DNAH9: variants seen among roughly 807,000 people sequenced by gnomAD.
DNAH9 encodes the protein dynein axonemal heavy chain 9.
In DNAH9, 345 loss-of-function variants were observed where a neutral mutation model predicts 471.6. The observed-to-expected ratio is 0.73, with a 90% CI of 0.67 to 0.80. DNAH9 has a LOEUF of 0.80. DNAH9 is among the 30% of genes least tolerant of loss of function. The pLI is 0.00. For synonymous variants in DNAH9, 2,093 were observed against 2,123.6 expected (o/e 0.99, Z 0.40); for missense variants, 5,407 against 5,609.2 (o/e 0.96, Z 1.15).
intron 26 of DNAH9, among the ~76,000 whole-genome samples, 158 bp from the exon 27 acceptor site, chr17:11,719,176 A>G (rs1312506524): frequency 6.6e-6 from 1 of 152,012 alleles, no homozygotes; most frequent in Non-Finnish European, 1.5e-5. Context: ...CTTGCCCGCT[A>G]AAGAGTCCTC....
intron 44 of DNAH9, among the ~76,000 whole-genome samples, chr17:11,808,161 G>A (rs780183415): frequency 5.9e-5 from 9 of 152,184 alleles, no homozygotes; most frequent in Non-Finnish European, 1.2e-4. Context: ...CAAATCAGAA[G>A]CACATCTGTA....
chr17:11,958,924 T>C (rs1284769321), intron 67 of DNAH9, among the ~76,000 whole-genome samples: 1 of 152,024 alleles, frequency 6.6e-6, no homozygotes, highest in Non-Finnish European at 1.5e-5. Flanking sequence ...AATAAGATAA[T>C]ATATCATGGC....
Position 11,781,066 on chromosome 17 carries a change from A to G in DNAH9, c.7610A>G (p.Asn2537Ser), listed in dbSNP as rs754600128. ...GGCAGAAACTATGGCCCTCCAGGGA[A>G]CAAGAAACTCATCTATTTCATTGAT... Reference protein sequence around the residue: ...KAGRNYGPPGNKKLIYFIDDM... With the variant: ...KAGRNYGPPGSKKLIYFIDDM... Residue 2537 changes from asparagine to serine, a missense_variant, in exon 39 of 69, where the codon AAC (asparagine) becomes AGC (serine). This residue lies in a region of DNAH9 where 4,636 missense variants were observed against 4,900.3 expected (regional missense o/e 0.95). Coordinates refer to ENST00000262442, the MANE Select transcript of DNAH9 (RefSeq NM_001372.4). 30 of 1,614,068 alleles carry G rather than the reference A, an allele frequency of 1.9e-5. No individual in the cohort carries two copies. The highest frequency in any genetic ancestry group is 1.2e-4 in the Admixed American group (7 of 60,004).
chr17:11,708,010 C>CAG (rs2074750745), intron 26 of DNAH9, among the ~76,000 whole-genome samples: 3 of 48,236 alleles, frequency 6.2e-5, no homozygotes, highest in Non-Finnish European at 9.8e-5. Flanking sequence ...CACACACACA[C>CAG]ACACAGAGAG....
intron 38 of DNAH9, among the ~76,000 whole-genome samples, chr17:11,775,765 C>T (rs1171968720): frequency 7.9e-5 from 12 of 151,838 alleles, no homozygotes; most frequent in African/African-American, 2.9e-4. Context: ...CCACCATGCC[C>T]GGCTAATTTT....
chr17:11,783,116 TTTG>T (rs533541864), intron 39 of DNAH9, among the ~76,000 whole-genome samples: 36 of 152,084 alleles, frequency 2.4e-4, no homozygotes, highest in African/African-American at 8.5e-4. Flanking sequence ...GCTGCCTTAT[TTTG>T]TTGTTGTTGT....
intron 50 of DNAH9, among the ~76,000 whole-genome samples, chr17:11,862,612 G>A (rs1178112125): frequency 1.3e-5 from 2 of 152,060 alleles, no homozygotes; most frequent in African/African-American, 4.8e-5. Context: ...ACCTTGGGCA[G>A]TGTGGCCATT....
intron 22 of DNAH9, among the ~76,000 whole-genome samples, chr17:11,698,206 A>ATATATTAATATAATAATATAT (rs1337258682): frequency 4.1e-5 from 5 of 123,204 alleles, no homozygotes; most frequent in African/African-American, 1.3e-4. Context: ...TAATATATTA[A>ATATATTAATATAATAATATAT]TAATATAATT....
chr17:11,712,090 ATATATT>A (rs372279142), intron 26 of DNAH9, among the ~76,000 whole-genome samples: 57 of 1,256 alleles, frequency 0.045, 23 homozygotes, highest in Non-Finnish European at 0.39. Context: ...ATATTTGTAT[ATATATT>A]TATATATAAA....
rs950133893 is a variant in DNAH9 at position 11,599,002 on chromosome 17, G to T, written c.417+87G>T. On this transcript the variant is annotated intron_variant, in intron 1 of 68. Coordinates refer to ENST00000262442, the MANE Select transcript of DNAH9 (RefSeq NM_001372.4). ...TAAGGGACGGAGGCGGGGCCAGAGG[G>T]GGCGGGGCGAAGCTGCAGGGGAGGT... is the stretch of plus-strand genomic sequence containing the variant. The T allele has an allele frequency of 1.0e-5, 11 of 1,078,596 alleles. No homozygotes were observed. The African/African-American group carries it at 1.7e-4, about 17-fold the overall frequency. 66.8% of individuals were successfully genotyped at this position (1,078,596 alleles called of 1,614,324 possible).
At chr17:11,860,473 A>G (rs914793440) in intron 50 of DNAH9, among the ~76,000 whole-genome samples, 1 of 152,130 alleles carries the variant, frequency 6.6e-6, no homozygotes, top group Non-Finnish European at 1.5e-5. Context: ...CTGAACTAAC[A>G]GTTTTGCAAA....
chr17:11,694,448 G>A lies in DNAH9; in HGVS notation c.4872+1G>A, dbSNP rs1203197171. ...TTCCAACGGCACAGCTCCACAACAGGTAAGCTGGAGGAGCATCTGCAGAAA... is the reference window on the plus strand; with the variant it reads ...TTCCAACGGCACAGCTCCACAACAGATAAGCTGGAGGAGCATCTGCAGAAA... On this transcript the variant is annotated splice_donor_variant, in intron 22 of 68. Transcript: ENST00000262442. LOFTEE classifies it high-confidence loss of function. 2 of 1,613,126 alleles carry A rather than the reference G, an allele frequency of 1.2e-6. No individual in the cohort carries two copies. Among genetic ancestry groups the A allele is most frequent in the Non-Finnish European group, 1.7e-6 (2 of 1,179,796 alleles).
rs1223894759 is a variant in DNAH9 at position 11,719,528 on chromosome 17, G to T, written c.5709+38G>T. On this transcript the variant is annotated intron_variant, in intron 27 of 68. Coordinates refer to ENST00000262442, the MANE Select transcript of DNAH9 (RefSeq NM_001372.4). ...CCGGCTTCCTGGGGGTGGGGGTGGG[G>T]GATAGGAACTCAGGGCACCAAATCA... 2.5e-6 allele frequency: 4 copies of T among 1,577,596 alleles called. No homozygotes were observed. In the East Asian group the frequency reaches 6.8e-5, roughly 27 times the overall value.
Position 11,647,038 on chromosome 17 carries a change from C to T in DNAH9, c.1971-34C>T, listed in dbSNP as rs75771366. The T allele has an allele frequency of 0.05, 81,242 of 1,609,268 alleles. 2,446 individuals are homozygous for T. The highest frequency in any genetic ancestry group is 0.059 in the Non-Finnish European group (69,801 of 1,176,996). ...CAGGCACCGGTGAGCTGGGAGGGGG[C>T]TTATGAGGTGGCTGTTGTCTCTGAC... is the stretch of plus-strand genomic sequence containing the variant. On this transcript the variant is annotated intron_variant, in intron 11 of 68. Transcript: ENST00000262442.
intron 28 of DNAH9, among the ~76,000 whole-genome samples, chr17:11,737,199 C>T (rs2075361941): frequency 6.6e-6 from 1 of 152,194 alleles, no homozygotes; most frequent in Non-Finnish European, 1.5e-5. Flanking sequence ...TGAGCTCAAA[C>T]GCATACAGTC....
At chr17:11,894,334 A>G in intron 58 of DNAH9, 40 bp from the exon 59 acceptor site, 3 of 1,606,918 alleles carry the variant, frequency 1.9e-6, no homozygotes, top group Middle Eastern at 1.7e-4. Context: ...GACTCTGGCT[A>G]CAAGCTAAAG....
At chr17:11,598,997 A>AGGGG in intron 1 of DNAH9, 82 bp downstream of exon 1, 1 of 542,540 alleles carries the variant, frequency 1.8e-6, no homozygotes, top group Non-Finnish European at 2.6e-6. Flanking sequence ...AGGCGGGGCC[A>AGGGG]GAGGGGGCGG....
chr17:11,865,970 C>G (rs1392619067), intron 50 of DNAH9, among the ~76,000 whole-genome samples: 1 of 152,126 alleles, frequency 6.6e-6, no homozygotes, highest in East Asian at 1.9e-4. Context: ...TTTGAATTTC[C>G]TCCTGTAGCT....
At chr17:11,657,614 T>C (rs2073677306) in intron 14 of DNAH9, among the ~76,000 whole-genome samples, 1 of 152,100 alleles carries the variant, frequency 6.6e-6, no homozygotes, top group South Asian at 2.1e-4. Flanking sequence ...AGGAAACTAT[T>C]TACTCCAAAG....
Sources: allele counts gnomAD v4.1 joint callset (sites outside exome capture counted in the v4.1 genomes callset), GRCh38; gene constraint gnomAD v4.1.1; regional missense constraint gnomAD v4.1.1; transcripts MANE v1.5; gene names NCBI Gene and HGNC (gene_info 2026-07-23, HGNC 2026-07-21).